Variants in DLGAP2 observed in about 807,000 individuals in gnomAD.
DLGAP2 encodes DLG associated protein 2, also known as disks large-associated protein 2.
Under a neutral mutation model 100.3 loss-of-function variants are expected in DLGAP2, and 26 were observed. The observed-to-expected ratio is 0.26, with a 90% confidence interval of 0.19 to 0.36. The LOEUF (loss-of-function observed/expected upper bound fraction) is 0.36. Among genes scored for constraint, DLGAP2 ranks in the 10% least tolerant of loss-of-function variants. DLGAP2 has a pLI of 1.00. For synonymous variants in DLGAP2, 886 were observed against 630.1 expected, an observed-to-expected ratio of 1.41 and a Z score of -6.08; for missense variants, 1,858 against 1,453.2, an observed-to-expected ratio of 1.28 and a Z score of -4.53.
intron 3 of DLGAP2, among the ~76,000 whole-genome samples, chr8:1,377,576 A>C (rs968149054): frequency 2.6e-5 from 4 of 152,190 alleles, no homozygotes; most frequent in African/African-American, 9.7e-5. Context: ...AAAGATGCAC[A>C]GGTCTTCATA....
chr8:1,162,164 GCGGCCAGTGCTGCAGAA>G (rs1326927152), intron 2 of DLGAP2, among the ~76,000 whole-genome samples: 1 of 152,236 alleles, frequency 6.6e-6, no homozygotes, highest in East Asian at 1.9e-4. Context: ...GGCAGCAGGG[GCGGCCAGTGCTGCAGAA>G]CTCGGAGGCG....
chr8:770,629 G>A, intron 1 of DLGAP2, among the ~76,000 whole-genome samples: 1 of 152,078 alleles, frequency 6.6e-6, no homozygotes, highest in East Asian at 1.9e-4. Context: ...TGTCCTGTTT[G>A]GCCGAGGAAG....
intron 1 of DLGAP2, among the ~76,000 whole-genome samples, chr8:819,902 G>C (rs1414815601): frequency 2.6e-5 from 4 of 152,172 alleles, no homozygotes; most frequent in Admixed American, 6.5e-5. Flanking sequence ...TTCCTGTTTG[G>C]ATTGGTCATG....
chr8:1,108,807 G>A (rs1264668081), intron 2 of DLGAP2, among the ~76,000 whole-genome samples: 1 of 137,684 alleles, frequency 7.3e-6, no homozygotes, highest in African/African-American at 2.8e-5. Context: ...AGGTGTGAAT[G>A]TGTCTATGAG....
chr8:1,095,145 G>T (rs946792196), intron 2 of DLGAP2, among the ~76,000 whole-genome samples: 1 of 152,142 alleles, frequency 6.6e-6, no homozygotes, highest in Non-Finnish European at 1.5e-5. Context: ...GAGTGAGACA[G>T]CCTGGTGCTC....
At chr8:1,164,370 G>A (rs534033249) in intron 2 of DLGAP2, among the ~76,000 whole-genome samples, 72 of 139,416 alleles carry the variant, frequency 5.2e-4, no homozygotes, top group African/African-American at 1.9e-3. Flanking sequence ...TGGTTTGTGG[G>A]GATTTTTCTG....
intron 3 of DLGAP2, among the ~76,000 whole-genome samples, chr8:1,437,973 C>T (rs532026805): frequency 2.4e-4 from 36 of 151,890 alleles, no homozygotes; most frequent in African/African-American, 7.2e-4. Flanking sequence ...GCGACAAGAG[C>T]AAAACTCCAT....
Position 737,638 on chromosome 8 carries a change from T to C in DLGAP2, c.-170T>C, listed in dbSNP as rs1237475127. On this transcript the variant is annotated 5_prime_UTR_variant, in exon 1 of 15. Transcript: ENST00000637795. ...AGGCGCCGGCCGTGAAGACCGACCG[T>C]GCGCCGGGCTCGAGCGCGGTCTGAG... is the stretch of plus-strand genomic sequence containing the variant. 6.0e-5 allele frequency: 21 copies of C among 347,200 alleles called. No individual in the cohort carries two copies. The highest frequency in any genetic ancestry group is 9.6e-5 in the Admixed American group (2 of 20,934). 21.5% of individuals were successfully genotyped at this position (347,200 alleles called of 1,614,324 possible).
chr8:1,445,763 C>G (rs899468742), intron 3 of DLGAP2, among the ~76,000 whole-genome samples: 6 of 152,154 alleles, frequency 3.9e-5, no homozygotes, highest in African/African-American at 1.4e-4. Context: ...TGTTTCCTGA[C>G]TTTTTAATGA....
chr8:1,541,981 A>G (rs146682515), intron 4 of DLGAP2, among the ~76,000 whole-genome samples: 48 of 152,366 alleles, frequency 3.2e-4, no homozygotes, highest in African/African-American at 1.2e-3. Context: ...TATTGATTTA[A>G]GAGCCTCAGA....
intron 2 of DLGAP2, among the ~76,000 whole-genome samples, chr8:1,234,846 C>A (rs117645512): frequency 6.6e-6 from 1 of 152,172 alleles, no homozygotes; most frequent in Non-Finnish European, 1.5e-5. Context: ...GAGTGATACC[C>A]GGACTGTTCA....
chr8:967,954 C>T (rs1009219065), intron 2 of DLGAP2, among the ~76,000 whole-genome samples: 11 of 142,944 alleles, frequency 7.7e-5, no homozygotes, highest in African/African-American at 2.4e-4. Flanking sequence ...TTTTTCTTTA[C>T]GTCAGTATCT....
At chr8:788,561 A>C (rs1821941727) in intron 1 of DLGAP2, among the ~76,000 whole-genome samples, 1 of 152,248 alleles carries the variant, frequency 6.6e-6, no homozygotes, top group African/African-American at 2.4e-5. Flanking sequence ...GTAGCCATTT[A>C]CAAATAACCT....
intron 2 of DLGAP2, among the ~76,000 whole-genome samples, chr8:947,923 G>A (rs1170396496): frequency 2.1e-5 from 3 of 144,680 alleles, no homozygotes; most frequent in African/African-American, 2.6e-5. Flanking sequence ...GTGCCAACCC[G>A]CGTGTGCCAT....
chr8:1,192,468 C>A (rs910055724), intron 2 of DLGAP2, among the ~76,000 whole-genome samples: 3 of 152,016 alleles, frequency 2.0e-5, no homozygotes, highest in Non-Finnish European at 4.4e-5. Context: ...TTGCTATGAA[C>A]TGCAGTCACC....
Position 748,885 on chromosome 8 carries a change from C to T in DLGAP2, c.18+11060C>T, listed in dbSNP as rs548245728. Among the ~76,000 whole-genome samples, 20 of 152,358 alleles carry T rather than the reference C, an allele frequency of 1.3e-4. 1 individual carries two copies. The South Asian group carries it at 3.7e-3, about 28-fold the overall frequency. On this transcript the variant is annotated intron_variant, in intron 1 of 14. Coordinates refer to ENST00000637795, the MANE Select transcript of DLGAP2 (RefSeq NM_001346810.2). ...TGGCTGCCAGATCTTTGCTTTCTGA[C>T]AACTTTTATTATATTTGTTACATCT...
intron 2 of DLGAP2, among the ~76,000 whole-genome samples, chr8:1,015,214 T>A (rs1286500605): frequency 9.9e-5 from 1 of 10,096 alleles, no homozygotes; most frequent in Admixed American, 8.7e-4. Context: ...ACTGTGTGTG[T>A]GACCAGGACA....
intron 3 of DLGAP2, among the ~76,000 whole-genome samples, chr8:1,278,917 C>T (rs906803183): frequency 2.6e-5 from 4 of 152,152 alleles, no homozygotes; most frequent in African/African-American, 9.7e-5. Flanking sequence ...AAATGTCCTT[C>T]AGATTGTTGA....
intron 2 of DLGAP2, among the ~76,000 whole-genome samples, chr8:1,166,746 A>T (rs7827976): frequency 0.19 from 28,850 of 152,172 alleles, 2,907 homozygotes; most frequent in Middle Eastern, 0.34. Flanking sequence ...TCAATAAATT[A>T]TACAATTATT....
Sources: allele counts gnomAD v4.1 joint callset (sites outside exome capture counted in the v4.1 genomes callset), GRCh38; gene constraint gnomAD v4.1.1; transcripts MANE v1.5; gene names NCBI Gene and HGNC (gene_info 2026-07-23, HGNC 2026-07-21).